The following CLSTN2 variants were observed in gnomAD, a reference collection of about 807,000 sequenced individuals.
CLSTN2 encodes calsyntenin 2.
CLSTN2 carries 48 observed loss-of-function variants against 101.2 expected under a neutral mutation model. The ratio of observed to expected loss-of-function variants is 0.47; its 90% CI spans 0.38 to 0.60. The LOEUF (loss-of-function observed/expected upper bound fraction) is 0.60, where lower values mean the gene tolerates loss of function less well. Among genes scored for constraint, CLSTN2 ranks in the 20% least tolerant of loss-of-function variants. CLSTN2 has a pLI of 0.00. For missense variants in CLSTN2, 1,160 were observed against 1,238.2 expected, an observed-to-expected ratio of 0.94 and a Z score of 0.95; for synonymous variants, 481 against 463.6, an observed-to-expected ratio of 1.04 and a Z score of -0.48.
At chr3:140,558,085 G>A (rs892574279) in intron 11 of CLSTN2, among the ~76,000 whole-genome samples, 4 of 152,186 alleles carry the variant, frequency 2.6e-5, no homozygotes, top group African/African-American at 9.7e-5. Flanking sequence ...CTCAGACCTC[G>A]CTCTTTTGGT....
chr3:140,137,432 T>C (rs2009631612), intron 1 of CLSTN2, among the ~76,000 whole-genome samples: 1 of 152,048 alleles, frequency 6.6e-6, no homozygotes, highest in Non-Finnish European at 1.5e-5. Flanking sequence ...CAAACTAGAC[T>C]AGGTTCCTGT....
chr3:140,551,237 C>T (rs1296396946), intron 10 of CLSTN2, among the ~76,000 whole-genome samples: 3 of 151,936 alleles, frequency 2.0e-5, no homozygotes, highest in Non-Finnish European at 4.4e-5. Context: ...TACTGCCCTC[C>T]TCCCACCTCT....
Position 139,935,515 on chromosome 3 carries a change from G to GAA in CLSTN2, c.109+32_109+33insAA. ...GCTGGGGAAGTTTGCTCTTCTCCCA[G>GAA]GAGGGAGGCAGGGCAGGCTTGAGGG... On this transcript the variant is annotated intron_variant, in intron 1 of 16. Coordinates refer to ENST00000458420, the MANE Select transcript of CLSTN2 (RefSeq NM_022131.3). This position sits in a 1 kb window ranked among gnomAD's most constrained non-coding sequence, Gnocchi z 5.5. 9.0e-7 allele frequency: 1 copy of GAA among 1,114,908 alleles called. No individual in the cohort carries two copies. The highest frequency in any genetic ancestry group is 2.3e-4 in the Middle Eastern group (1 of 4,304). 69.1% of individuals were successfully genotyped at this position (1,114,908 alleles called of 1,614,324 possible). A position where few individuals can be genotyped will look rare whatever the true frequency, so the allele number is the denominator to read the frequency against.
At chr3:139,989,826 T>G (rs892291285) in intron 1 of CLSTN2, among the ~76,000 whole-genome samples, 1 of 152,208 alleles carries the variant, frequency 6.6e-6, no homozygotes, top group Non-Finnish European at 1.5e-5. Context: ...TCTTCCCTTC[T>G]GAAAGACTCT....
chr3:140,346,471 C>T (rs1047827216), intron 2 of CLSTN2, among the ~76,000 whole-genome samples: 1 of 152,104 alleles, frequency 6.6e-6, no homozygotes, highest in African/African-American at 2.4e-5. Context: ...GTTCTGAGAT[C>T]TGACTTCCCA....
intron 2 of CLSTN2, among the ~76,000 whole-genome samples, chr3:140,378,600 A>G (rs1378191291): frequency 6.6e-6 from 1 of 152,332 alleles, no homozygotes; most frequent in Middle Eastern, 3.4e-3. Flanking sequence ...TGTTGGCACT[A>G]TGATCCTATT....
intron 2 of CLSTN2, among the ~76,000 whole-genome samples, chr3:140,327,459 G>A (rs2087343343): frequency 6.6e-6 from 1 of 152,198 alleles, no homozygotes; most frequent in Admixed American, 6.5e-5. Context: ...TTAGTGTTCT[G>A]CTGGGCTCAG....
intron 2 of CLSTN2, among the ~76,000 whole-genome samples, chr3:140,356,709 G>A (rs1273754081): frequency 7.6e-6 from 1 of 132,260 alleles, no homozygotes; most frequent in African/African-American, 2.9e-5. Context: ...AATGAGCCGA[G>A]ATCATGCCAC....
At chr3:139,969,523 C>T (rs1419501505) in intron 1 of CLSTN2, among the ~76,000 whole-genome samples, 1 of 152,192 alleles carries the variant, frequency 6.6e-6, no homozygotes, top group Non-Finnish European at 1.5e-5. Flanking sequence ...TTGTTACCAA[C>T]TACATACATC....
intron 1 of CLSTN2, among the ~76,000 whole-genome samples, chr3:140,174,816 A>G (rs960672364): frequency 2.6e-5 from 4 of 152,246 alleles, no homozygotes; most frequent in African/African-American, 9.6e-5. Context: ...GTACAATTCA[A>G]GATGAGATTT....
At chr3:140,272,227 C>T (rs2086748816) in intron 2 of CLSTN2, among the ~76,000 whole-genome samples, 1 of 152,198 alleles carries the variant, frequency 6.6e-6, no homozygotes, top group African/African-American at 2.4e-5. Context: ...TCTAGGCTCA[C>T]AGCCTAGCTC....
At chr3:140,075,878 C>T (rs994558907) in intron 1 of CLSTN2, among the ~76,000 whole-genome samples, 1 of 151,976 alleles carries the variant, frequency 6.6e-6, no homozygotes, top group African/African-American at 2.4e-5. Flanking sequence ...AATTCTCTTG[C>T]CCTGCAGGTA....
At chr3:140,355,098 C>G (rs2087654886) in intron 2 of CLSTN2, among the ~76,000 whole-genome samples, 2 of 152,096 alleles carry the variant, frequency 1.3e-5, no homozygotes, top group Admixed American at 1.3e-4. Flanking sequence ...TATCAGAAGA[C>G]CAGATGAGCA....
intron 8 of CLSTN2, among the ~76,000 whole-genome samples, chr3:140,524,326 T>A (rs1161820031): frequency 2.6e-5 from 4 of 152,216 alleles, no homozygotes; most frequent in Non-Finnish European, 5.9e-5. Flanking sequence ...CTGCTCAAGA[T>A]CCTGATTTGG....
chr3:140,284,311 G>T (rs112637476), intron 2 of CLSTN2, among the ~76,000 whole-genome samples: 108 of 151,992 alleles, frequency 7.1e-4, no homozygotes, highest in African/African-American at 2.2e-3. Flanking sequence ...CACTGTGCTG[G>T]GACTGCCATA....
At chr3:140,141,430 G>C (rs1560107398) in intron 1 of CLSTN2, among the ~76,000 whole-genome samples, 1 of 152,244 alleles carries the variant, frequency 6.6e-6, no homozygotes, top group Non-Finnish European at 1.5e-5. Context: ...GAGTGACAGA[G>C]ATAGACAGGG....
At chr3:140,401,877 G>C (rs2088246003) in intron 2 of CLSTN2, among the ~76,000 whole-genome samples, 1 of 152,214 alleles carries the variant, frequency 6.6e-6, no homozygotes, top group African/African-American at 2.4e-5. Flanking sequence ...GGAGGCTGCA[G>C]AACTTGTCAG....
intron 2 of CLSTN2, among the ~76,000 whole-genome samples, chr3:140,330,630 A>G (rs1399512273): frequency 6.6e-6 from 1 of 152,212 alleles, no homozygotes; most frequent in Non-Finnish European, 1.5e-5. Flanking sequence ...CTCTGCTTAC[A>G]GGGGAACCCA....
rs146216094 is a variant in CLSTN2, at chr3:140,080,464, C to T, written c.110-95487C>T. 2.1e-4 allele frequency among the ~76,000 whole-genome samples: 32 copies of T among 152,216 alleles called. No individual in the cohort carries two copies. In the East Asian group the frequency reaches 2.5e-3, roughly 12 times the overall value. On this transcript the variant is annotated intron_variant, in intron 1 of 16. Transcript: ENST00000458420. ...TCCAGCTCCTAGACCTTTCTTTGAG[C>T]GACAGTGGGTCTCAGTCTCATCTAT...
Sources: allele counts gnomAD v4.1 joint callset (sites outside exome capture counted in the v4.1 genomes callset), GRCh38; gene constraint gnomAD v4.1.1; non-coding constraint Gnocchi (gnomAD v3.1); transcripts MANE v1.5; gene names NCBI Gene and HGNC (gene_info 2026-07-23, HGNC 2026-07-21).